The following NRG1 variants were observed in gnomAD, a reference collection of about 807,000 sequenced individuals.
NRG1 encodes the protein neuregulin 1, also known as pro-neuregulin-1, membrane-bound isoform.
A neutral mutation model predicts 63.8 loss-of-function variants in NRG1; 18 were observed. That is an observed-to-expected ratio of 0.28 (90% CI 0.19 to 0.42). NRG1 has a LOEUF of 0.42. NRG1 is among the 10% of genes least tolerant of loss of function. The pLI, the probability that NRG1 is intolerant of heterozygous loss-of-function variation, is 1.00. For missense variants in NRG1, 762 were observed against 814.7 expected (o/e 0.94, Z 0.79); for synonymous variants, 302 against 301.3 (o/e 1.00, Z -0.02).
intron 1 of NRG1, among the ~76,000 whole-genome samples, chr8:31,784,174 T>G (rs1455782851): frequency 2.0e-5 from 3 of 152,198 alleles, no homozygotes; most frequent in Non-Finnish European, 4.4e-5. Flanking sequence ...CTTAGGAAAC[T>G]AAATTTTAAG....
intron 1 of NRG1, among the ~76,000 whole-genome samples, chr8:32,349,886 G>A (rs1015774040): frequency 6.6e-6 from 1 of 152,196 alleles, no homozygotes; most frequent in Non-Finnish European, 1.5e-5. Flanking sequence ...GCTCTTTGCA[G>A]CAGCAGGATT....
chr8:32,548,063 C>T (rs1833291071), upstream of NRG1: 3 of 291,154 alleles, frequency 1.0e-5, no homozygotes, highest in South Asian at 1.3e-4. Flanking sequence ...CGACCCCTGT[C>T]GGGGGTTCCC....
At chr8:32,229,907 A>G (rs1454246265) in intron 1 of NRG1, among the ~76,000 whole-genome samples, 2 of 152,026 alleles carry the variant, frequency 1.3e-5, no homozygotes, top group African/African-American at 4.8e-5. Flanking sequence ...GGCACTGCTC[A>G]TTAGAAATAG....
intron 1 of NRG1, among the ~76,000 whole-genome samples, chr8:32,296,939 A>AC (rs1306167656): frequency 6.6e-6 from 1 of 151,796 alleles, no homozygotes; most frequent in African/African-American, 2.4e-5. Context: ...ACATGATGAA[A>AC]CCCCCACTCT....
At chr8:31,872,080 T>C (rs925163550) in intron 1 of NRG1, among the ~76,000 whole-genome samples, 3 of 152,208 alleles carry the variant, frequency 2.0e-5, no homozygotes, top group Admixed American at 1.3e-4. Flanking sequence ...CCTGTATGCA[T>C]GTGGCACAAC....
chr8:32,180,315 G>A (rs1036740523), intron 1 of NRG1, among the ~76,000 whole-genome samples: 4 of 152,112 alleles, frequency 2.6e-5, no homozygotes, highest in African/African-American at 7.2e-5. Flanking sequence ...ATCTAATCCA[G>A]GGTCCTAAAT....
At chr8:32,330,448 T>G (rs1802513575) in intron 1 of NRG1, among the ~76,000 whole-genome samples, 1 of 151,986 alleles carries the variant, frequency 6.6e-6, no homozygotes, top group African/African-American at 2.4e-5. Flanking sequence ...TATTGGGGAG[T>G]GTTCTCAGGA....
At chr8:31,812,119 T>C (rs562761598) in intron 1 of NRG1, among the ~76,000 whole-genome samples, 6 of 152,130 alleles carry the variant, frequency 3.9e-5, no homozygotes, top group Admixed American at 2.0e-4. Context: ...TTTTGAACCT[T>C]GGTAGGTTGT....
intron 1 of NRG1, among the ~76,000 whole-genome samples, chr8:32,119,518 T>A (rs1833163692): frequency 6.6e-6 from 1 of 152,134 alleles, no homozygotes; most frequent in Non-Finnish European, 1.5e-5. Context: ...CATGTTCTCC[T>A]GTCTTTCTTG....
chr8:32,186,246 G>A (rs139509309), intron 1 of NRG1, among the ~76,000 whole-genome samples: 43 of 152,242 alleles, frequency 2.8e-4, no homozygotes, highest in African/African-American at 1.0e-3. Context: ...GGGTGGTAAT[G>A]AGGTCAGGGG....
chr8:32,167,696 G>A (rs1363458138), intron 1 of NRG1, among the ~76,000 whole-genome samples: 1 of 152,154 alleles, frequency 6.6e-6, no homozygotes, highest in Non-Finnish European at 1.5e-5. Context: ...TAAAATAACA[G>A]CCCTCAACAG....
intron 1 of NRG1, among the ~76,000 whole-genome samples, chr8:32,279,797 A>G (rs16879099): frequency 0.096 from 14,677 of 152,198 alleles, 997 homozygotes; most frequent in African/African-American, 0.19. Context: ...GGCACTCTCC[A>G]TTACCTGCGT....
chr8:32,760,370 C>T, exon 11 of NRG1: 1 of 1,613,938 alleles, frequency 6.2e-7, no homozygotes, highest in Non-Finnish European at 8.5e-7. Context: ...GCCAGAGAAA[C>T]CCCTGATTCC....
chr8:31,663,033 C>G (rs941306469), intron 1 of NRG1, among the ~76,000 whole-genome samples: 6 of 152,114 alleles, frequency 3.9e-5, no homozygotes, highest in Admixed American at 3.9e-4. Context: ...CTGCTATTCA[C>G]AGAAGGCCCT....
At chr8:32,268,429 T>C (rs1283788231) in intron 1 of NRG1, among the ~76,000 whole-genome samples, 1 of 152,240 alleles carries the variant, frequency 6.6e-6, no homozygotes, top group African/African-American at 2.4e-5. Context: ...TTTCCAGTGA[T>C]ATCCATGGAC....
chr8:32,403,634 A>C (rs944474173), intron 1 of NRG1, among the ~76,000 whole-genome samples: 3 of 152,102 alleles, frequency 2.0e-5, no homozygotes, highest in African/African-American at 7.2e-5. Flanking sequence ...ATGTTTCAAA[A>C]ATTTCACATT....
chr8:32,096,760 C>A (rs1461465909), intron 1 of NRG1, among the ~76,000 whole-genome samples: 1 of 152,140 alleles, frequency 6.6e-6, no homozygotes, highest in African/African-American at 2.4e-5. Flanking sequence ...TCCCGATCTC[C>A]CCACTCCCTG....
At chr8:31,750,373 G>C (rs766131514) in intron 1 of NRG1, among the ~76,000 whole-genome samples, 5 of 151,842 alleles carry the variant, frequency 3.3e-5, no homozygotes, top group Non-Finnish European at 5.9e-5. Flanking sequence ...GCATGTAAAT[G>C]TTTTTATAGT....
intron 5 of NRG1, among the ~76,000 whole-genome samples, chr8:32,696,391 T>C (rs1025124308): frequency 6.6e-6 from 1 of 152,186 alleles, no homozygotes; most frequent in Non-Finnish European, 1.5e-5. Flanking sequence ...AACCTGTGTA[T>C]CTTTGCCCTC....
Sources: allele counts gnomAD v4.1 joint callset (sites outside exome capture counted in the v4.1 genomes callset), GRCh38; gene constraint gnomAD v4.1.1; transcripts MANE v1.5; gene names NCBI Gene and HGNC (gene_info 2026-07-23, HGNC 2026-07-21).